The following MYO1E variants were observed in gnomAD, a reference collection of about 807,000 sequenced individuals.
MYO1E encodes the protein myosin IE.
Under a neutral mutation model 151.1 loss-of-function variants are expected in MYO1E, and 68 were observed. The ratio of observed to expected loss-of-function variants is 0.45; its 90% CI spans 0.37 to 0.55. The LOEUF (loss-of-function observed/expected upper bound fraction) is 0.55, where lower values mean the gene tolerates loss of function less well. Among genes scored for constraint, MYO1E ranks in the 20% least tolerant of loss-of-function variants. The pLI, the probability that MYO1E is intolerant of heterozygous loss-of-function variation, is 0.00. For synonymous variants in MYO1E, 601 were observed against 501.7 expected (o/e 1.20, Z -2.64); for missense variants, 1,363 against 1,389.3 (o/e 0.98, Z 0.30).
chr15:59,317,597 T>C (rs1212464102), intron 1 of MYO1E, among the ~76,000 whole-genome samples: 1 of 152,182 alleles, frequency 6.6e-6, no homozygotes, highest in East Asian at 1.9e-4. Flanking sequence ...GCTGATAGTT[T>C]CAGTTTCAGG....
intron 16 of MYO1E, among the ~76,000 whole-genome samples, chr15:59,198,916 C>T (rs2079784567): frequency 6.6e-6 from 1 of 152,118 alleles, no homozygotes; most frequent in African/African-American, 2.4e-5. Flanking sequence ...CCTTATAGCT[C>T]CAGCTGCACT....
At position 59,153,751 on chromosome 15, in the gene MYO1E, T is replaced by C; in HGVS notation, c.2919A>G (p.Pro973=). The part of the protein sequence containing the change: ...QNGVIRNQYV[P]YPHAPGSQRS... ...TCTGGCTTCCAGGAGCATGGGGATA[T>C]GGCACATACTGGTTTCTGATGACTC... The change falls in exon 26 of 28, where the codon CCA becomes CCG. Residue 973 remains proline, a synonymous_variant. Transcript: ENST00000288235. The C allele has an allele frequency of 6.2e-7, 1 of 1,614,114 alleles. No individual in the cohort carries two copies.
At chr15:59,270,555 A>AG (rs1358664881) in intron 2 of MYO1E, among the ~76,000 whole-genome samples, 3 of 151,696 alleles carry the variant, frequency 2.0e-5, no homozygotes, top group Admixed American at 6.6e-5. Flanking sequence ...AAAAAAAAAA[A>AG]AAAAGAAAAG....
At chr15:59,249,892 A>G (rs749670243) in intron 4 of MYO1E, among the ~76,000 whole-genome samples, 1 of 152,184 alleles carries the variant, frequency 6.6e-6, no homozygotes, top group African/African-American at 2.4e-5. Flanking sequence ...CTTTCCACCC[A>G]GAACAGGATT....
At chr15:59,311,837 T>G (rs1244393820) in intron 1 of MYO1E, among the ~76,000 whole-genome samples, 1 of 152,148 alleles carries the variant, frequency 6.6e-6, no homozygotes, top group Non-Finnish European at 1.5e-5. Flanking sequence ...GTTTTAAAAG[T>G]GAGTGTGGCC....
chr15:59,254,714 A>C (rs1457822492), intron 4 of MYO1E, among the ~76,000 whole-genome samples: 1 of 152,230 alleles, frequency 6.6e-6, no homozygotes, highest in Non-Finnish European at 1.5e-5. Context: ...AAAATTAACT[A>C]AAAAAGATGA....
chr15:59,298,823 C>A (rs183866867), intron 1 of MYO1E, among the ~76,000 whole-genome samples: 33 of 152,330 alleles, frequency 2.2e-4, no homozygotes, highest in African/African-American at 7.5e-4. Flanking sequence ...GAGGAAAGTT[C>A]TTCTCTATGC....
intron 25 of MYO1E, among the ~76,000 whole-genome samples, chr15:59,154,460 C>T (rs74731184): frequency 0.096 from 14,673 of 152,270 alleles, 910 homozygotes; most frequent in Non-Finnish European, 0.14. Flanking sequence ...CCAAACCATG[C>T]GTCTTGGCAG....
At position 59,233,727 on chromosome 15, in the gene MYO1E, C is replaced by A. The variant is rs1049411400; in HGVS notation, c.421-1936G>T. Among the ~76,000 whole-genome samples, 3 of 147,952 alleles carry A rather than the reference C, an allele frequency of 2.0e-5. No individual in the cohort carries two copies. The East Asian group carries it at 5.9e-4, about 29-fold the overall frequency. Reference sequence around the variant, plus strand: ...CCTGGATTCTTGTCTCCATGTCAACCCTCTCAGGATCCAGTACAATCACAG... The same window carrying A: ...CCTGGATTCTTGTCTCCATGTCAACACTCTCAGGATCCAGTACAATCACAG... On this transcript the variant is annotated intron_variant, in intron 5 of 27. Transcript: ENST00000288235.
chr15:59,151,809 A>G (rs2079481412), intron 26 of MYO1E, among the ~76,000 whole-genome samples: 1 of 152,028 alleles, frequency 6.6e-6, no homozygotes, highest in African/African-American at 2.4e-5. Context: ...GCACTTTGGG[A>G]GGCCAAGGCG....
intron 1 of MYO1E, among the ~76,000 whole-genome samples, chr15:59,300,305 CACACACACAG>C (rs1247245521): frequency 1.3e-5 from 2 of 151,922 alleles, no homozygotes; most frequent in African/African-American, 4.8e-5. Flanking sequence ...CGCACACACA[CACACACACAG>C]ACACACACAC....
chr15:59,149,055 T>TGG (rs1566964386), intron 26 of MYO1E, among the ~76,000 whole-genome samples: 2 of 49,498 alleles, frequency 4.0e-5, no homozygotes, highest in Non-Finnish European at 7.4e-5. Flanking sequence ...TTTTTTTGTT[T>TGG]TTTTTTTTTT....
intron 1 of MYO1E, among the ~76,000 whole-genome samples, chr15:59,277,555 A>ACAACAACAAC (rs1158461200): frequency 1.6e-4 from 5 of 30,726 alleles, no homozygotes; most frequent in South Asian, 2.6e-3. Context: ...CCACAAAAAA[A>ACAACAACAAC]AAAAAAAAAA....
intron 5 of MYO1E, among the ~76,000 whole-genome samples, chr15:59,234,056 A>G (rs1176873219): frequency 1.3e-5 from 2 of 152,102 alleles, no homozygotes; most frequent in African/African-American, 4.8e-5. Flanking sequence ...GGCTTGCTTC[A>G]TCTTTCTACT....
chr15:59,231,165 A>G (rs1016923103), intron 6 of MYO1E, among the ~76,000 whole-genome samples: 5 of 152,210 alleles, frequency 3.3e-5, no homozygotes, highest in Non-Finnish European at 7.3e-5. Flanking sequence ...GTTAGGTTAC[A>G]TGAGTAGGGC....
At chr15:59,297,334 C>T (rs533765165) in intron 1 of MYO1E, among the ~76,000 whole-genome samples, 16 of 149,342 alleles carry the variant, frequency 1.1e-4, no homozygotes, top group Non-Finnish European at 1.9e-4. Context: ...TGCAGTGGCA[C>T]GATTTCAGCT....
chr15:59,266,663 C>CTTTTTTTTT (rs34640095), intron 2 of MYO1E: 14 of 130,342 alleles, frequency 1.1e-4, no homozygotes, highest in East Asian at 7.1e-4. Context: ...TTTTGCTGTT[C>CTTTTTTTTT]TTTTTTTTTT....
chr15:59,220,827 A>G lies in MYO1E; in HGVS notation c.910+2232T>C, dbSNP rs529549517. ...AAGGACAGCCAGGTGCAGTGGCTCA[A>G]TCCTCGATTCCCAGCACTTCCGGAG... On this transcript the variant is annotated intron_variant, in intron 9 of 27. Transcript: ENST00000288235. Among the ~76,000 whole-genome samples, 96 of 147,916 alleles carry G rather than the reference A, an allele frequency of 6.5e-4. 1 individual carries two copies. The highest frequency in any genetic ancestry group is 2.2e-3 in the African/African-American group (91 of 40,902).
chr15:59,169,190 G>A (rs950669982), intron 22 of MYO1E, among the ~76,000 whole-genome samples: 1 of 152,174 alleles, frequency 6.6e-6, no homozygotes, highest in African/African-American at 2.4e-5. Flanking sequence ...TTGATAAATC[G>A]TAACTAGGAG....
Sources: gnomAD v4.1 joint callset for allele counts (sites outside exome capture counted in the v4.1 genomes callset) on GRCh38, gnomAD v4.1.1 for gene constraint, MANE v1.5 for transcripts, NCBI Gene and HGNC (gene_info 2026-07-23, HGNC 2026-07-21) for gene names.